LRP11: variants seen among roughly 807,000 people sequenced by gnomAD.
LRP11 encodes LDL receptor related protein 11, also known as low-density lipoprotein receptor-related protein 11.
LRP11 carries 25 observed loss-of-function variants against 43.1 expected under a neutral mutation model. The observed-to-expected ratio is 0.58, with a 90% CI of 0.42 to 0.81. LRP11 has a LOEUF of 0.81. LRP11 is among the 30% of genes least tolerant of loss of function. The pLI, the probability that LRP11 is intolerant of heterozygous loss-of-function variation, is 0.00. For missense variants in LRP11, 623 were observed against 665.1 expected, an observed-to-expected ratio of 0.94 and a Z score of 0.70; for synonymous variants, 316 against 299.4, an observed-to-expected ratio of 1.06 and a Z score of -0.57.
chr6:149,821,550 T>C (rs1002780690), intron 6 of LRP11, among the ~76,000 whole-genome samples: 4 of 152,230 alleles, frequency 2.6e-5, no homozygotes, highest in African/African-American at 9.6e-5. Context: ...ATTTTGGACA[T>C]TAAAGGAAAA....
rs1172021639 is a variant in LRP11, at chr6:149,827,699, C to T, written c.1253-1340G>A. On this transcript the variant is annotated intron_variant, in intron 5 of 6. Transcript: ENST00000239367. The surrounding 1 kb of genome is among the most constrained non-coding windows in gnomAD (Gnocchi z 4.2). Reference sequence around the variant, plus strand: ...AAGAGTTCTGTTACTGTCCAACTCACTGCAGTAGCCACGACAGTGGTCACC... The same window carrying T: ...AAGAGTTCTGTTACTGTCCAACTCATTGCAGTAGCCACGACAGTGGTCACC... 6.6e-6 allele frequency among the ~76,000 whole-genome samples: 1 copy of T among 152,260 alleles called. No individual in the cohort carries two copies. Among genetic ancestry groups the T allele is most frequent in the African/African-American group, 2.4e-5 (1 of 41,470 alleles).
intron 2 of LRP11, among the ~76,000 whole-genome samples, chr6:149,845,852 G>A (rs1776624525): frequency 6.6e-6 from 1 of 151,862 alleles, no homozygotes; most frequent in Admixed American, 6.6e-5. Context: ...TAGAACTCTG[G>A]TTTGAGACCT....
intron 6 of LRP11, among the ~76,000 whole-genome samples, chr6:149,824,238 T>C (rs1776311509): frequency 6.6e-6 from 1 of 152,166 alleles, no homozygotes; most frequent in Non-Finnish European, 1.5e-5. Flanking sequence ...CCAATCCCAA[T>C]GCCGGGGCTC....
chr6:149,860,466 T>C (rs60226016), intron 1 of LRP11, among the ~76,000 whole-genome samples: 23,537 of 144,202 alleles, frequency 0.16, 5,374 homozygotes, highest in African/African-American at 0.51. Flanking sequence ...CCCAACCCTC[T>C]AGTCATGGGC....
chr6:149,859,396 ATTTT>A lies in LRP11; in HGVS notation c.613+4008_613+4011del, dbSNP rs1163759560. 7.0e-5 allele frequency among the ~76,000 whole-genome samples: 5 copies of A among 71,490 alleles called. No individual in the cohort carries two copies. In the East Asian group the frequency reaches 2.6e-3, roughly 38 times the overall value. 46.9% of individuals were successfully genotyped at this position (71,490 alleles called of 152,430 possible). A position where few individuals can be genotyped will look rare whatever the true frequency, so the allele number is the denominator to read the frequency against. ...CTGACTCATATATATATATATATATATTTTTTTTTTTTTTTTTTTGACCGAGTCT... is the reference window on the plus strand; with the variant it reads ...CTGACTCATATATATATATATATATATTTTTTTTTTTTTTTGACCGAGTCT... On this transcript the variant is annotated intron_variant, in intron 1 of 6. Coordinates refer to ENST00000239367, the MANE Select transcript of LRP11 (RefSeq NM_032832.6).
intron 5 of LRP11, 89 bp from the exon 6 acceptor site, chr6:149,826,448 A>T: frequency 2.3e-6 from 2 of 860,768 alleles, no homozygotes; most frequent in East Asian, 2.5e-5. Flanking sequence ...ATTTTTTTTT[A>T]AGATGGACTT....
rs1344896469 is a variant in LRP11 at position 149,864,167 on chromosome 6, G to C, written c.-147C>G. The C allele has an allele frequency of 1.4e-5, 16 of 1,143,308 alleles. No homozygotes were observed. The highest frequency in any genetic ancestry group is 1.7e-5 in the Non-Finnish European group (16 of 932,194). 70.8% of individuals were successfully genotyped at this position (1,143,308 alleles called of 1,614,324 possible). A position where few individuals can be genotyped will look rare whatever the true frequency, so the allele number is the denominator to read the frequency against. ...CTCACAGCGCGGCGCCCCCGAACCCGGCTGCTCCCCCGAGGTCGCGGGCGC... is the reference window on the plus strand; with the variant it reads ...CTCACAGCGCGGCGCCCCCGAACCCCGCTGCTCCCCCGAGGTCGCGGGCGC... On this transcript the variant is annotated 5_prime_UTR_variant, in exon 1 of 7. Coordinates refer to ENST00000239367, the MANE Select transcript of LRP11 (RefSeq NM_032832.6).
intron 5 of LRP11, among the ~76,000 whole-genome samples, chr6:149,831,326 A>C (rs1004880596): frequency 6.6e-6 from 1 of 152,270 alleles, no homozygotes; most frequent in Non-Finnish European, 1.5e-5. Flanking sequence ...TTCCACGTGA[A>C]TGTGGATGTA....
chr6:149,860,768 C>T (rs953284730), intron 1 of LRP11, among the ~76,000 whole-genome samples: 1 of 152,228 alleles, frequency 6.6e-6, no homozygotes, highest in Admixed American at 6.5e-5. Context: ...TCTACCCTCG[C>T]AGTCCCAGCC....
intron 3 of LRP11, among the ~76,000 whole-genome samples, chr6:149,841,641 G>A (rs1776549885): frequency 2.0e-5 from 3 of 152,268 alleles, no homozygotes; most frequent in South Asian, 4.1e-4. Context: ...GGCTGGGCGC[G>A]GTGGTTCACG....
intron 2 of LRP11, among the ~76,000 whole-genome samples, chr6:149,846,726 C>A (rs1172688604): frequency 6.6e-6 from 1 of 151,934 alleles, no homozygotes; most frequent in African/African-American, 2.4e-5. Context: ...TCAGTTGAGG[C>A]CAGGAGTTTG....
At chr6:149,822,186 A>G (rs1391324673) in intron 6 of LRP11, among the ~76,000 whole-genome samples, 1 of 152,124 alleles carries the variant, frequency 6.6e-6, no homozygotes, top group Non-Finnish European at 1.5e-5. Flanking sequence ...TGTCTCTACA[A>G]AAAATTATTA....
Position 149,864,024 on chromosome 6 carries a change from G to A in LRP11, c.-4C>T, listed in dbSNP as rs886912201. The stretch of plus-strand genomic sequence containing the variant: ...TCTCCTGGGCGACGGAGGCCATGGC[G>A]ACGAGAGCCAAGGGCAGCGAGCCGA... On this transcript the variant is annotated 5_prime_UTR_variant, in exon 1 of 7. Transcript: ENST00000239367. 7.5e-6 allele frequency: 10 copies of A among 1,333,840 alleles called. No homozygotes were observed. In the Admixed American group the frequency reaches 2.1e-4, roughly 27 times the overall value. The allele number at this position is 1,333,840 out of a possible 1,614,324, so 82.6% of individuals were successfully genotyped here. A position where few individuals can be genotyped will look rare whatever the true frequency, so the allele number is the denominator to read the frequency against.
chr6:149,823,129 G>C (rs1426245395), intron 6 of LRP11, among the ~76,000 whole-genome samples: 1 of 152,186 alleles, frequency 6.6e-6, no homozygotes, highest in Non-Finnish European at 1.5e-5. Flanking sequence ...CGCTATAGTA[G>C]GGAGTGGGCT....
rs375491317 is a variant in LRP11 at position 149,820,634 on chromosome 6, A to T, written c.1418T>A (p.Leu473Gln). Residue 473 changes from leucine (L) to glutamine (Q), a missense_variant, in exon 7 of 7, where the codon CTA (leucine) becomes CAA (glutamine). By Grantham distance (113) the Leu-to-Gln change is moderately radical. Transcript: ENST00000239367. ...TTTCAGTTTCTGTTTCACCAGTCGTAGTCGGCATGCAACCATGAGAAGCAG... is the reference window on the plus strand; with the variant it reads ...TTTCAGTTTCTGTTTCACCAGTCGTTGTCGGCATGCAACCATGAGAAGCAG... ...ALLLLMVACR[L>Q]RLVKQKLKKA... The T allele has an allele frequency of 3.8e-6, 3 of 781,052 alleles. No individual in the cohort carries two copies. The South Asian group carries it at 4.0e-5, about 10-fold the overall frequency. 48.4% of individuals were successfully genotyped at this position (781,052 alleles called of 1,614,324 possible).
At chr6:149,853,954 A>G (rs930561337) in intron 1 of LRP11, among the ~76,000 whole-genome samples, 3 of 152,250 alleles carry the variant, frequency 2.0e-5, no homozygotes, top group African/African-American at 7.2e-5. Context: ...TTGAAAAGTT[A>G]AGGCAAATTT....
At chr6:149,839,727 T>C (rs1194842490) in intron 3 of LRP11, among the ~76,000 whole-genome samples, 1 of 152,214 alleles carries the variant, frequency 6.6e-6, no homozygotes, top group East Asian at 1.9e-4. Context: ...CAATCTCAGC[T>C]CACTGCAGCC....
intron 5 of LRP11, 96 bp downstream of exon 5, chr6:149,835,989 A>T: frequency 8.9e-7 from 1 of 1,118,626 alleles, no homozygotes; most frequent in Non-Finnish European, 1.3e-6. Context: ...ATTTCAAGAT[A>T]CTTCCTTAAC....
intron 6 of LRP11, among the ~76,000 whole-genome samples, chr6:149,823,227 G>A (rs1299100252): frequency 1.3e-5 from 2 of 152,190 alleles, no homozygotes; most frequent in Non-Finnish European, 2.9e-5. Context: ...GAAGCCTGGA[G>A]AGCCCCCTGG....
Sources: allele counts gnomAD v4.1 joint callset (sites outside exome capture counted in the v4.1 genomes callset), GRCh38; gene constraint gnomAD v4.1.1; non-coding constraint Gnocchi (gnomAD v3.1); transcripts MANE v1.5; gene names NCBI Gene and HGNC (gene_info 2026-07-23, HGNC 2026-07-21).